Variants in FSTL5 observed in about 807,000 individuals in gnomAD.
FSTL5 encodes the protein follistatin-related protein 5.
FSTL5 carries 62 observed loss-of-function variants against 89.1 expected under a neutral mutation model. That is an observed-to-expected ratio of 0.70 (90% CI 0.57 to 0.86). The LOEUF is 0.86. FSTL5 is among the 40% of genes least tolerant of loss of function. FSTL5 has a pLI of 0.00. For missense variants in FSTL5, 1,057 were observed against 1,001.6 expected, an observed-to-expected ratio of 1.06 and a Z score of -0.75; for synonymous variants, 383 against 346.2, an observed-to-expected ratio of 1.11 and a Z score of -1.18.
At chr4:161,575,935 C>A (rs1435520699) in intron 8 of FSTL5, among the ~76,000 whole-genome samples, 1 of 152,026 alleles carries the variant, frequency 6.6e-6, no homozygotes, top group African/African-American at 2.4e-5. Flanking sequence ...GACTCAGCCC[C>A]AAAACTCCTT....
chr4:161,564,058 G>A (rs1458520725), intron 8 of FSTL5, among the ~76,000 whole-genome samples: 1 of 151,616 alleles, frequency 6.6e-6, no homozygotes, highest in Non-Finnish European at 1.5e-5. Context: ...TTATTGTCTA[G>A]ACATTTTATA....
At chr4:162,039,983 A>G (rs1033614909) in intron 2 of FSTL5, among the ~76,000 whole-genome samples, 1 of 152,020 alleles carries the variant, frequency 6.6e-6, no homozygotes, top group African/African-American at 2.4e-5. Context: ...TAGTCAATAG[A>G]TCCTAACACT....
At chr4:161,695,948 A>G (rs887727499) in intron 6 of FSTL5, among the ~76,000 whole-genome samples, 8 of 152,126 alleles carry the variant, frequency 5.3e-5, no homozygotes, top group African/African-American at 1.9e-4. Flanking sequence ...TGCCATGCAA[A>G]AACTCTTTGG....
At chr4:161,773,173 G>C (rs914853214) in intron 5 of FSTL5, among the ~76,000 whole-genome samples, 1 of 151,960 alleles carries the variant, frequency 6.6e-6, no homozygotes, top group Non-Finnish European at 1.5e-5. Flanking sequence ...TCCTCATCTC[G>C]CACCTATACA....
chr4:161,938,559 C>T (rs1290532796), intron 3 of FSTL5, among the ~76,000 whole-genome samples: 1 of 151,982 alleles, frequency 6.6e-6, no homozygotes, highest in Non-Finnish European at 1.5e-5. Context: ...CACTGGTGTA[C>T]ACCTTCATCT....
At position 161,385,284 on chromosome 4, in the gene FSTL5, C is replaced by A. The variant is rs1730578041; in HGVS notation, c.*463G>T. ...CTCCTGTGACATTCCCTTCAAGGCA[C>A]AAAATATTATAAACAGTGGACAGGA... On this transcript the variant is annotated 3_prime_UTR_variant, in exon 16 of 16. Transcript: ENST00000306100. 2 of 154,656 alleles carry A rather than the reference C, an allele frequency of 1.3e-5. No individual in the cohort carries two copies. Among genetic ancestry groups the A allele is most frequent in the African/African-American group, 2.4e-5 (1 of 41,400 alleles). 9.6% of individuals were successfully genotyped at this position (154,656 alleles called of 1,614,324 possible). A position where few individuals can be genotyped will look rare whatever the true frequency, so the allele number is the denominator to read the frequency against.
intron 1 of FSTL5, among the ~76,000 whole-genome samples, chr4:162,140,031 A>G (rs368318657): frequency 6.6e-6 from 1 of 152,180 alleles, no homozygotes; most frequent in African/African-American, 2.4e-5. Flanking sequence ...ATCTAAAAAT[A>G]TGTTCACTTT....
intron 1 of FSTL5, among the ~76,000 whole-genome samples, chr4:162,116,210 G>A (rs1193221575): frequency 6.6e-6 from 1 of 152,188 alleles, no homozygotes; most frequent in East Asian, 1.9e-4. Context: ...ACTGTGAGAC[G>A]TAGAGCAGGC....
intron 4 of FSTL5, among the ~76,000 whole-genome samples, chr4:161,876,079 T>C (rs1732432838): frequency 6.6e-6 from 1 of 152,214 alleles, no homozygotes; most frequent in Non-Finnish European, 1.5e-5. Flanking sequence ...TTGTTATACA[T>C]TTGTTGCAAA....
chr4:161,916,575 A>G (rs1308678368), intron 4 of FSTL5, among the ~76,000 whole-genome samples: 2 of 152,184 alleles, frequency 1.3e-5, no homozygotes, highest in Non-Finnish European at 2.9e-5. Flanking sequence ...ACGCCAATAA[A>G]CAAATGCTAC....
At chr4:161,929,530 T>C (rs1734222221) in intron 3 of FSTL5, among the ~76,000 whole-genome samples, 1 of 151,560 alleles carries the variant, frequency 6.6e-6, no homozygotes, top group Non-Finnish European at 1.5e-5. Flanking sequence ...GTGTGATATT[T>C]ATTTTTATGA....
intron 3 of FSTL5, among the ~76,000 whole-genome samples, chr4:161,941,159 T>C (rs1342385072): frequency 6.6e-6 from 1 of 151,744 alleles, no homozygotes; most frequent in Non-Finnish European, 1.5e-5. Flanking sequence ...TCTAAAAATA[T>C]ACATAAAAGG....
chr4:161,902,869 A>C (rs1232286225), intron 4 of FSTL5, among the ~76,000 whole-genome samples: 1 of 152,076 alleles, frequency 6.6e-6, no homozygotes, highest in Non-Finnish European at 1.5e-5. Flanking sequence ...CAATAATAAT[A>C]ATTTCCAAAA....
chr4:161,768,612 C>A (rs1281303628), intron 5 of FSTL5, among the ~76,000 whole-genome samples: 1 of 151,884 alleles, frequency 6.6e-6, no homozygotes, highest in Non-Finnish European at 1.5e-5. Context: ...AATGTAAACC[C>A]ACCGTCTATC....
At chr4:161,601,190 G>C (rs1474403145) in intron 7 of FSTL5, among the ~76,000 whole-genome samples, 1 of 152,054 alleles carries the variant, frequency 6.6e-6, no homozygotes. Flanking sequence ...AAGACTGGGG[G>C]CAGGAGAGGC....
chr4:161,992,964 G>GTATACATATATATACATATATATA (rs1280810655), intron 3 of FSTL5, among the ~76,000 whole-genome samples: 1 of 80,442 alleles, frequency 1.2e-5, no homozygotes, highest in Non-Finnish European at 2.8e-5. Context: ...ATATATATAT[G>GTATACATATATATACATATATATA]TGTGTATATA....
chr4:161,622,025 T>C (rs1000021026), intron 7 of FSTL5, among the ~76,000 whole-genome samples: 11 of 151,660 alleles, frequency 7.3e-5, no homozygotes, highest in African/African-American at 2.7e-4. Flanking sequence ...AAAATAAAAA[T>C]ACTAGTATTA....
intron 5 of FSTL5, among the ~76,000 whole-genome samples, chr4:161,763,582 CACTTATTT>C (rs1325121605): frequency 1.3e-5 from 2 of 152,054 alleles, no homozygotes; most frequent in African/African-American, 4.8e-5. Context: ...GTTCTATGTC[CACTTATTT>C]ACTCTCTTTG....
chr4:162,101,248 G>C (rs1730986598), intron 2 of FSTL5, among the ~76,000 whole-genome samples: 1 of 152,162 alleles, frequency 6.6e-6, no homozygotes, highest in Admixed American at 6.6e-5. Flanking sequence ...AGGTTTTAAG[G>C]TATGTTTTCA....
Sources: gnomAD v4.1 joint callset for allele counts (sites outside exome capture counted in the v4.1 genomes callset) on GRCh38, gnomAD v4.1.1 for gene constraint, MANE v1.5 for transcripts, NCBI Gene and HGNC (gene_info 2026-07-23, HGNC 2026-07-21) for gene names.